Variants in CSMD1 observed in about 807,000 individuals in gnomAD.
CSMD1 encodes CUB and Sushi multiple domains 1.
In CSMD1, 213 loss-of-function variants were observed where a neutral mutation model predicts 417.5. That is an observed-to-expected ratio of 0.51 (90% CI 0.46 to 0.57). The LOEUF (loss-of-function observed/expected upper bound fraction) is 0.57, where lower values mean the gene tolerates loss of function less well. Ranked by LOEUF, CSMD1 falls within the 20% of genes least tolerant of loss-of-function variation. CSMD1 has a pLI of 0.00. For missense variants in CSMD1, 6,923 were observed against 4,529.7 expected, an observed-to-expected ratio of 1.53 and a Z score of -15.17; for synonymous variants, 2,862 against 1,736.8, an observed-to-expected ratio of 1.65 and a Z score of -16.11.
At chr8:3,994,071 C>A (rs986294051) in intron 5 of CSMD1, among the ~76,000 whole-genome samples, 1 of 152,190 alleles carries the variant, frequency 6.6e-6, no homozygotes, top group Non-Finnish European at 1.5e-5. Flanking sequence ...GGAAGGCACA[C>A]TGAGGCTTCC....
At chr8:3,896,454 G>A (rs978446705) in intron 5 of CSMD1, among the ~76,000 whole-genome samples, 3 of 152,132 alleles carry the variant, frequency 2.0e-5, no homozygotes, top group East Asian at 1.9e-4. Flanking sequence ...ACACTTGGGA[G>A]AGAAAGTAAA....
At chr8:3,936,814 A>T (rs936048483) in intron 5 of CSMD1, among the ~76,000 whole-genome samples, 1 of 152,212 alleles carries the variant, frequency 6.6e-6, no homozygotes, top group African/African-American at 2.4e-5. Context: ...AATATGTTTC[A>T]TAAGGCTATT....
intron 2 of CSMD1, among the ~76,000 whole-genome samples, chr8:4,571,917 G>C (rs1379619903): frequency 6.6e-6 from 1 of 152,148 alleles, no homozygotes; most frequent in Non-Finnish European, 1.5e-5. Flanking sequence ...TTTAAAGTCT[G>C]TTTTATCAGA....
chr8:3,362,222 A>T (rs34615157), intron 20 of CSMD1, among the ~76,000 whole-genome samples: 38,695 of 151,864 alleles, frequency 0.25, 5,020 homozygotes, highest in East Asian at 0.33. Context: ...CCATATCCCT[A>T]CTCTGGTTAT....
Position 3,290,972 on chromosome 8 carries a change from A to G in CSMD1, c.3951-6626T>C, listed in dbSNP as rs185964160. Among the ~76,000 whole-genome samples the G allele has an allele frequency of 1.3e-3, 196 of 152,234 alleles. 1 individual carries two copies. Among genetic ancestry groups the G allele is most frequent in the African/African-American group, 4.6e-3 (193 of 41,542 alleles). On this transcript the variant is annotated intron_variant, in intron 25 of 69. Transcript: ENST00000635120. ...TATTGGCTGTGGGTTTGTCATAGAT[A>G]GCTCTTATTATTTTGAGATACGTCC...
At chr8:4,658,191 A>G (rs1419187544) in intron 1 of CSMD1, among the ~76,000 whole-genome samples, 1 of 151,666 alleles carries the variant, frequency 6.6e-6, no homozygotes, top group African/African-American at 2.4e-5. Context: ...ATGTTTGAAT[A>G]AATGACTGCA....
At chr8:3,784,207 A>G (rs935629816) in intron 5 of CSMD1, among the ~76,000 whole-genome samples, 5 of 152,222 alleles carry the variant, frequency 3.3e-5, no homozygotes, top group African/African-American at 1.2e-4. Flanking sequence ...GTGGGTACCC[A>G]ATAAATAACA....
chr8:4,449,898 A>G (rs1381167088), intron 2 of CSMD1, among the ~76,000 whole-genome samples: 1 of 152,160 alleles, frequency 6.6e-6, no homozygotes, highest in Non-Finnish European at 1.5e-5. Context: ...TCCATAACAT[A>G]TGTATAAAAC....
intron 3 of CSMD1, among the ~76,000 whole-genome samples, chr8:4,245,782 T>A (rs1207677745): frequency 1.3e-5 from 2 of 152,184 alleles, no homozygotes; most frequent in African/African-American, 4.8e-5. Flanking sequence ...TCATATTTCC[T>A]ATTTTCTTAA....
At chr8:4,140,867 T>G (rs886796659) in intron 3 of CSMD1, among the ~76,000 whole-genome samples, 5 of 151,068 alleles carry the variant, frequency 3.3e-5, no homozygotes, top group Non-Finnish European at 2.9e-5. Flanking sequence ...AAGAGGGCAT[T>G]TGGGAGATTG....
chr8:3,882,810 T>C (rs1000264930), intron 5 of CSMD1, among the ~76,000 whole-genome samples: 2 of 152,134 alleles, frequency 1.3e-5, no homozygotes, highest in African/African-American at 2.4e-5. Context: ...ATTTACAGAA[T>C]GTGTCAAAAT....
intron 2 of CSMD1, among the ~76,000 whole-genome samples, chr8:4,581,002 G>A (rs1210262101): frequency 6.6e-6 from 1 of 152,170 alleles, no homozygotes; most frequent in African/African-American, 2.4e-5. Context: ...TGCCTCACAT[G>A]TAACAGACAT....
At chr8:3,120,134 G>A (rs973309458) in intron 41 of CSMD1, among the ~76,000 whole-genome samples, 1 of 151,974 alleles carries the variant, frequency 6.6e-6, no homozygotes, top group African/African-American at 2.4e-5. Flanking sequence ...AGACTTTTTT[G>A]TTTCTGTGTT....
intron 3 of CSMD1, among the ~76,000 whole-genome samples, chr8:4,410,465 A>G (rs1796589355): frequency 1.3e-5 from 2 of 152,148 alleles, no homozygotes; most frequent in African/African-American, 4.8e-5. Flanking sequence ...CCAATATTTG[A>G]TGGTGTTTAA....
chr8:3,819,201 G>C (rs1306736555), intron 5 of CSMD1, among the ~76,000 whole-genome samples: 1 of 152,102 alleles, frequency 6.6e-6, no homozygotes, highest in East Asian at 1.9e-4. Context: ...ATGTCTCCCA[G>C]GCTAACACTA....
At chr8:3,101,110 C>G (rs1002116892) in intron 46 of CSMD1, among the ~76,000 whole-genome samples, 1 of 151,524 alleles carries the variant, frequency 6.6e-6, no homozygotes, top group Admixed American at 6.6e-5. Flanking sequence ...TGAAGGATCC[C>G]CCAAGGTCCA....
intron 3 of CSMD1, among the ~76,000 whole-genome samples, chr8:4,305,873 C>CGT (rs1165253429): frequency 6.6e-6 from 1 of 152,184 alleles, no homozygotes; most frequent in East Asian, 1.9e-4. Context: ...TCTTTGCTTA[C>CGT]GTGTGTATAT....
At chr8:4,171,893 G>A (rs1020472599) in intron 3 of CSMD1, among the ~76,000 whole-genome samples, 3 of 152,026 alleles carry the variant, frequency 2.0e-5, no homozygotes, top group South Asian at 4.1e-4. Flanking sequence ...GAATGCAATT[G>A]TCTGCATGTT....
intron 3 of CSMD1, among the ~76,000 whole-genome samples, chr8:4,135,293 G>A (rs1474105298): frequency 6.9e-6 from 1 of 145,832 alleles, no homozygotes; most frequent in Non-Finnish European, 1.5e-5. Context: ...AGGGAAGGAA[G>A]ACAGAAGAAA....
Sources: gnomAD v4.1 joint callset for allele counts (sites outside exome capture counted in the v4.1 genomes callset) on GRCh38, gnomAD v4.1.1 for gene constraint, MANE v1.5 for transcripts, NCBI Gene and HGNC (gene_info 2026-07-23, HGNC 2026-07-21) for gene names.